Variants in OLFM3 observed in about 807,000 individuals in gnomAD.
OLFM3 encodes noelin-3.
Under a neutral mutation model 48.6 loss-of-function variants are expected in OLFM3, and 20 were observed. The observed-to-expected ratio is 0.41, with a 90% CI of 0.29 to 0.60. The LOEUF is 0.60. Among genes scored for constraint, OLFM3 ranks in the 20% least tolerant of loss-of-function variants. The pLI, the probability that OLFM3 is intolerant of heterozygous loss-of-function variation, is 0.28. For missense variants in OLFM3, 437 were observed against 544.3 expected (o/e 0.80, Z 1.96); for synonymous variants, 222 against 198.1 (o/e 1.12, Z -1.01).
chr1:101,988,826 T>A (rs920544374), intron 1 of OLFM3, among the ~76,000 whole-genome samples: 1 of 151,894 alleles, frequency 6.6e-6, no homozygotes, highest in Non-Finnish European at 1.5e-5. Context: ...AGAGATACAA[T>A]AAAATAACTA....
intron 1 of OLFM3, among the ~76,000 whole-genome samples, chr1:101,991,663 T>G (rs534129411): frequency 8.6e-5 from 13 of 151,420 alleles, no homozygotes; most frequent in Admixed American, 7.3e-4. Flanking sequence ...TAGATGACTT[T>G]CAGTTAAATA....
At chr1:101,823,333 T>C (rs1654699264) in intron 4 of OLFM3, among the ~76,000 whole-genome samples, 1 of 152,068 alleles carries the variant, frequency 6.6e-6, no homozygotes, top group Non-Finnish European at 1.5e-5. Flanking sequence ...TGAATGATTC[T>C]AGCAAGACAC....
intron 1 of OLFM3, among the ~76,000 whole-genome samples, chr1:101,868,137 G>A (rs185060051): frequency 2.6e-4 from 40 of 152,286 alleles, no homozygotes; most frequent in Non-Finnish European, 5.9e-5. Flanking sequence ...ATAGCAGTGT[G>A]AGAATGGACT....
intron 1 of OLFM3, among the ~76,000 whole-genome samples, chr1:101,956,092 T>G (rs559384228): frequency 2.4e-5 from 3 of 124,686 alleles, no homozygotes; most frequent in Non-Finnish European, 3.5e-5. Flanking sequence ...ACAGGTTTTT[T>G]TTTTTTTTTT....
At chr1:101,990,506 A>G (rs557327146) in intron 1 of OLFM3, among the ~76,000 whole-genome samples, 61 of 152,248 alleles carry the variant, frequency 4.0e-4, no homozygotes, top group African/African-American at 1.4e-3. Flanking sequence ...CATTGCTGTT[A>G]TATTATTTCA....
intron 1 of OLFM3, among the ~76,000 whole-genome samples, chr1:101,919,348 T>G (rs1352079937): frequency 1.3e-5 from 2 of 152,232 alleles, no homozygotes; most frequent in Non-Finnish European, 2.9e-5. Flanking sequence ...TTTCTCATTC[T>G]ACGTTTAACC....
intron 1 of OLFM3, among the ~76,000 whole-genome samples, chr1:101,986,029 G>A (rs999963268): frequency 2.7e-5 from 4 of 147,298 alleles, no homozygotes; most frequent in African/African-American, 1.0e-4. Context: ...GCAGTGGCGC[G>A]ATCTCGGCTC....
intron 1 of OLFM3, among the ~76,000 whole-genome samples, chr1:101,941,631 ATTG>A (rs1278297975): frequency 6.6e-6 from 1 of 152,220 alleles, no homozygotes; most frequent in African/African-American, 2.4e-5. Context: ...CAAAATTAAA[ATTG>A]TAGAAACATT....
At chr1:101,888,721 GA>G (rs2101001629) in intron 1 of OLFM3, among the ~76,000 whole-genome samples, 2 of 152,180 alleles carry the variant, frequency 1.3e-5, no homozygotes, top group African/African-American at 4.8e-5. Flanking sequence ...GCAACCTACA[GA>G]ATGGGAGAAA....
chr1:101,970,673 A>G (rs1404160772), intron 1 of OLFM3, among the ~76,000 whole-genome samples: 1 of 152,210 alleles, frequency 6.6e-6, no homozygotes, highest in African/African-American at 2.4e-5. Context: ...AAACACAAAC[A>G]TAGTTAGGAA....
At chr1:101,975,481 A>G (rs1342283474) in intron 1 of OLFM3, among the ~76,000 whole-genome samples, 3 of 152,052 alleles carry the variant, frequency 2.0e-5, no homozygotes, top group African/African-American at 7.2e-5. Context: ...TCTTCAAAAC[A>G]TAAGAAATAG....
chr1:101,847,626 G>A (rs990262870), intron 1 of OLFM3, among the ~76,000 whole-genome samples: 3 of 151,998 alleles, frequency 2.0e-5, no homozygotes, highest in Admixed American at 2.0e-4. Context: ...TTACCTTTAG[G>A]CATCTTACAC....
intron 1 of OLFM3, among the ~76,000 whole-genome samples, chr1:101,843,455 C>T (rs1037268688): frequency 5.3e-5 from 8 of 152,148 alleles, no homozygotes; most frequent in African/African-American, 1.9e-4. Context: ...CTTCTGAGAG[C>T]TGAGGCTTCC....
chr1:101,833,993 G>A (rs564928162), intron 2 of OLFM3, among the ~76,000 whole-genome samples: 1 of 152,250 alleles, frequency 6.6e-6, no homozygotes, highest in East Asian at 1.9e-4. Context: ...TAACTGTACA[G>A]GGAAGCTACA....
rs560860029 is a variant in OLFM3 at position 101,869,539 on chromosome 1, T to A, written c.70-32514A>T. Among the ~76,000 whole-genome samples the A allele has an allele frequency of 5.8e-4, 88 of 152,204 alleles. 1 individual carries two copies. The highest frequency in any genetic ancestry group is 9.8e-4 in the Non-Finnish European group (67 of 68,034). On this transcript the variant is annotated intron_variant, in intron 1 of 5. Coordinates refer to ENST00000370103, the MANE Select transcript of OLFM3 (RefSeq NM_058170.4). ...CTTTAGACTTGGACTTTTGGGTTAATGTTGGAATGAGTTGAGATTTGGGGG... is the reference window on the plus strand; with the variant it reads ...CTTTAGACTTGGACTTTTGGGTTAAAGTTGGAATGAGTTGAGATTTGGGGG...
chr1:101,812,676 G>T, intron 4 of OLFM3: 1 of 985,700 alleles, frequency 1.0e-6, no homozygotes, highest in Non-Finnish European at 1.2e-6. Context: ...GCATCTCTAT[G>T]GCAAAGGGAT....
Position 101,817,787 on chromosome 1 carries a change from G to A in OLFM3, c.592+7239C>T, listed in dbSNP as rs191740972. On this transcript the variant is annotated intron_variant, in intron 4 of 5. Transcript: ENST00000370103. Reference sequence around the variant, plus strand: ...GGCCATTAGAGAACTCATGCATTAAGAAATACTTCTGATTTGATCTTTAAA... The same window carrying A: ...GGCCATTAGAGAACTCATGCATTAAAAAATACTTCTGATTTGATCTTTAAA... Among the ~76,000 whole-genome samples the A allele has an allele frequency of 3.9e-3, 588 of 152,108 alleles. 2 individuals are homozygous for A. Among genetic ancestry groups the A allele is most frequent in the African/African-American group, 0.014 (575 of 41,552 alleles).
At chr1:101,882,331 A>ATAT (rs1491099849) in intron 1 of OLFM3, among the ~76,000 whole-genome samples, 2 of 107,406 alleles carry the variant, frequency 1.9e-5, no homozygotes, top group East Asian at 2.3e-4. Context: ...ATATATATAT[A>ATAT]ATATATATAT....
chr1:101,937,983 C>T (rs1048716122), intron 1 of OLFM3, among the ~76,000 whole-genome samples: 4 of 152,110 alleles, frequency 2.6e-5, no homozygotes, highest in African/African-American at 9.7e-5. Context: ...TATTGCTTTC[C>T]CTTGAGCTTT....
Sources: allele counts gnomAD v4.1 joint callset (sites outside exome capture counted in the v4.1 genomes callset), GRCh38; gene constraint gnomAD v4.1.1; transcripts MANE v1.5; gene names NCBI Gene and HGNC (gene_info 2026-07-23, HGNC 2026-07-21).